Variants in KIF13B observed in about 807,000 individuals in gnomAD.
KIF13B encodes kinesin-like protein KIF13B.
Under a neutral mutation model 222.0 loss-of-function variants are expected in KIF13B, and 127 were observed. That is an observed-to-expected ratio of 0.57 (90% CI 0.50 to 0.66). KIF13B has a LOEUF of 0.66. KIF13B is among the 30% of genes least tolerant of loss of function. The pLI is 0.00. For synonymous variants in KIF13B, 976 were observed against 919.0 expected, an observed-to-expected ratio of 1.06 and a Z score of -1.12; for missense variants, 2,173 against 2,379.0, an observed-to-expected ratio of 0.91 and a Z score of 1.80.
At chr8:29,103,909 G>C (rs1273219454) in intron 35 of KIF13B, among the ~76,000 whole-genome samples, 1 of 152,148 alleles carries the variant, frequency 6.6e-6, no homozygotes, top group Non-Finnish European at 1.5e-5. Flanking sequence ...AATACGATTT[G>C]TCTTGCTAAT....
intron 4 of KIF13B, chr8:29,189,392 CA>C (rs1266894076): frequency 6.7e-6 from 1 of 149,984 alleles, no homozygotes; most frequent in Non-Finnish European, 1.5e-5. Flanking sequence ...TTTCTCATAA[CA>C]GAAGCCAAAA....
chr8:29,082,723 A>G (rs75121066), intron 37 of KIF13B, among the ~76,000 whole-genome samples: 2,033 of 152,362 alleles, frequency 0.013, 51 homozygotes, highest in African/African-American at 0.046. Context: ...CTACACATAT[A>G]TTTTAAAAGA....
At chr8:29,245,854 T>C (rs1459464189) in intron 1 of KIF13B, among the ~76,000 whole-genome samples, 3 of 152,160 alleles carry the variant, frequency 2.0e-5, no homozygotes, top group Non-Finnish European at 4.4e-5. Flanking sequence ...TACAAGAATA[T>C]ATAAAAATCA....
At chr8:29,226,569 T>C (rs1394053885) in intron 2 of KIF13B, among the ~76,000 whole-genome samples, 2 of 152,192 alleles carry the variant, frequency 1.3e-5, no homozygotes, top group Non-Finnish European at 2.9e-5. Context: ...ATTCCATCAC[T>C]TTCCCAGGCC....
chr8:29,252,609 G>A (rs541801553), intron 1 of KIF13B, among the ~76,000 whole-genome samples: 7 of 152,076 alleles, frequency 4.6e-5, no homozygotes, highest in South Asian at 2.1e-4. Context: ...TTATTCAACC[G>A]CAAACTTTGC....
intron 2 of KIF13B, among the ~76,000 whole-genome samples, chr8:29,232,562 C>T (rs972056329): frequency 2.1e-4 from 32 of 151,932 alleles, no homozygotes; most frequent in Admixed American, 6.5e-5. Context: ...ATCCTTTTCT[C>T]CCTCACAGTG....
chr8:29,260,573 G>A (rs185008372), intron 1 of KIF13B, among the ~76,000 whole-genome samples: 14 of 149,170 alleles, frequency 9.4e-5, no homozygotes, highest in African/African-American at 3.2e-4. Context: ...ATCATACAAG[G>A]AAGAAAAAAA....
Position 29,222,538 on chromosome 8 carries a change from T to C in KIF13B, c.149+22808A>G, listed in dbSNP as rs1192943892. The stretch of plus-strand genomic sequence containing the variant: ...GACTTTTTTTTTTTTTTTTTTTTTT[T>C]TTTTTTTTTTTTTTTTTGTAGAGAC... On this transcript the variant is annotated intron_variant, in intron 2 of 39. Coordinates refer to ENST00000524189, the MANE Select transcript of KIF13B (RefSeq NM_015254.4). Among the ~76,000 whole-genome samples the C allele has an allele frequency of 6.3e-5, 7 of 111,578 alleles. 1 individual carries two copies. Among genetic ancestry groups the C allele is most frequent in the Non-Finnish European group, 1.3e-4 (7 of 51,888 alleles). The allele number at this position is 111,578 out of a possible 152,430, so 73.2% of individuals were successfully genotyped here. A position where few individuals can be genotyped will look rare whatever the true frequency, so the allele number is the denominator to read the frequency against.
At chr8:29,081,402 A>C (rs950219238) in intron 37 of KIF13B, among the ~76,000 whole-genome samples, 11 of 152,228 alleles carry the variant, frequency 7.2e-5, no homozygotes, top group African/African-American at 2.7e-4. Context: ...AATAAAGCAT[A>C]ACCTTAAACA....
chr8:29,101,641 C>T (rs995270465), intron 35 of KIF13B, among the ~76,000 whole-genome samples: 1 of 152,168 alleles, frequency 6.6e-6, no homozygotes. Context: ...ATCCTGCCAG[C>T]CCTGCAGAGC....
chr8:29,110,588 T>C (rs1016882065), intron 32 of KIF13B: 3 of 154,336 alleles, frequency 1.9e-5, no homozygotes, highest in Admixed American at 1.9e-4. Flanking sequence ...ATTCAGAACA[T>C]GGCAGCTTCT....
chr8:29,116,121 T>A (rs745433342), intron 31 of KIF13B, among the ~76,000 whole-genome samples: 2 of 152,214 alleles, frequency 1.3e-5, no homozygotes, highest in Non-Finnish European at 2.9e-5. Context: ...GGACTCAAAC[T>A]CCTAGGCTCA....
chr8:29,070,859 C>G lies in KIF13B; in HGVS notation c.5219-93G>C. The G allele has an allele frequency of 7.4e-7, 1 of 1,353,626 alleles. No homozygotes were observed. Among genetic ancestry groups the G allele is most frequent in the Non-Finnish European group, 1.0e-6 (1 of 978,300 alleles). The allele number at this position is 1,353,626 out of a possible 1,614,324, so 83.9% of individuals were successfully genotyped here. A position where few individuals can be genotyped will look rare whatever the true frequency, so the allele number is the denominator to read the frequency against. On this transcript the variant is annotated intron_variant, in intron 39 of 39. Transcript: ENST00000524189. The surrounding 1 kb of genome is among the most constrained non-coding windows in gnomAD (Gnocchi z 4.1). ...CCTCTGCAGAGGCCATGTGCCCACA[C>G]TGCCACCCCCCCGCACAGGCCCTAC...
At chr8:29,258,928 C>G (rs1351158510) in intron 1 of KIF13B, among the ~76,000 whole-genome samples, 1 of 152,172 alleles carries the variant, frequency 6.6e-6, no homozygotes, top group Non-Finnish European at 1.5e-5. Flanking sequence ...CTTTAAGAAA[C>G]TGAATATGAT....
intron 8 of KIF13B, among the ~76,000 whole-genome samples, chr8:29,177,921 AC>A (rs1328987675): frequency 6.6e-6 from 1 of 152,178 alleles, no homozygotes; most frequent in Non-Finnish European, 1.5e-5. Flanking sequence ...AAAAAACAAT[AC>A]AAAAAGCAGT....
At chr8:29,223,933 C>A (rs974598638) in intron 2 of KIF13B, among the ~76,000 whole-genome samples, 1 of 151,570 alleles carries the variant, frequency 6.6e-6, no homozygotes, top group Non-Finnish European at 1.5e-5. Context: ...CCTTGTGATC[C>A]GCCCGCCTCA....
intron 2 of KIF13B, among the ~76,000 whole-genome samples, chr8:29,220,215 G>A (rs753280319): frequency 2.1e-4 from 32 of 152,160 alleles, no homozygotes; most frequent in Non-Finnish European, 3.4e-4. Flanking sequence ...TTTTTAAACT[G>A]TGCAGTATCT....
intron 21 of KIF13B, among the ~76,000 whole-genome samples, chr8:29,135,941 A>T (rs981144087): frequency 7.4e-6 from 1 of 134,474 alleles, no homozygotes; most frequent in Non-Finnish European, 1.6e-5. Flanking sequence ...AGTATTGATG[A>T]CACACAAAAT....
chr8:29,131,105 T>C (rs1383273705), intron 23 of KIF13B, among the ~76,000 whole-genome samples: 2 of 152,038 alleles, frequency 1.3e-5, no homozygotes, highest in Admixed American at 6.6e-5. Flanking sequence ...CGCTTATAAG[T>C]GGGAGCTAAA....
Sources: gnomAD v4.1 joint callset for allele counts (sites outside exome capture counted in the v4.1 genomes callset) on GRCh38, gnomAD v4.1.1 for gene constraint, Gnocchi (gnomAD v3.1) non-coding constraint, MANE v1.5 for transcripts, NCBI Gene and HGNC (gene_info 2026-07-23, HGNC 2026-07-21) for gene names.